The following UGT1A7 variants were observed in gnomAD, a reference collection of about 807,000 sequenced individuals.
UGT1A7 encodes the protein UDP glucuronosyltransferase family 1 member A7.
Under a neutral mutation model 45.6 loss-of-function variants are expected in UGT1A7, and 33 were observed. That is an observed-to-expected ratio of 0.72 (90% CI 0.55 to 0.97). UGT1A7 has a LOEUF of 0.97. Ranked by LOEUF, UGT1A7 falls within the 50% of genes least tolerant of loss-of-function variation. The probability of loss-of-function intolerance (pLI) is 0.00; values close to 1 mark genes in which losing one functional copy is unlikely to be tolerated. For synonymous variants in UGT1A7, 274 were observed against 250.6 expected (o/e 1.09, Z -0.88); for missense variants, 684 against 666.2 (o/e 1.03, Z -0.29).
chr2:233,718,828 G>C lies in UGT1A7; in HGVS notation c.855+36036G>C, dbSNP rs137930413. 3.0e-4 allele frequency: 479 copies of C among 1,613,554 alleles called. 1 individual carries two copies. Among genetic ancestry groups the C allele is most frequent in the Admixed American group, 4.7e-4 (28 of 60,022 alleles). ...TCGGTGGCTTCTGCTGAGATGGCCA[G>C]AGGACTCCAGGTTCCCCTGCCGCGG... On this transcript the variant is annotated intron_variant, in intron 1 of 4. Transcript: ENST00000373426.
At chr2:233,748,132 A>G (rs1234093790) in intron 1 of UGT1A7, 8 of 1,610,034 alleles carry the variant, frequency 5.0e-6, no homozygotes, top group Non-Finnish European at 6.8e-6. Context: ...CAGTTTTTAA[A>G]AATTGTATTT....
chr2:233,682,322 A>C lies in UGT1A7; in HGVS notation c.385A>C (p.Asn129His). 4 of 1,614,160 alleles carry C rather than the reference A, an allele frequency of 2.5e-6. No individual in the cohort carries two copies. The highest frequency in any genetic ancestry group is 3.4e-6 in the Non-Finnish European group (4 of 1,180,012). Residue 129 changes from asparagine (N) to histidine (H), a missense_variant, in exon 1 of 5, where the codon AAT becomes CAT. Coordinates refer to ENST00000373426, the MANE Select transcript of UGT1A7 (RefSeq NM_019077.3). The stretch of plus-strand genomic sequence containing the variant: ...TTTTTCAAATTGCAGGAGTTTGTTT[A>C]ATGACCGAAAATTAGTAGAATACTT... The part of the protein sequence containing the change: ...LFFSNCRSLF[N>H]DRKLVEYLKE...
At chr2:233,747,772 G>T in intron 1 of UGT1A7, 1 of 1,613,482 alleles carries the variant, frequency 6.2e-7, no homozygotes, top group Non-Finnish European at 8.5e-7. Flanking sequence ...GGCACACAGT[G>T]TCCAAATCCT....
At chr2:233,761,494 C>T (rs1189997049) in intron 1 of UGT1A7, among the ~76,000 whole-genome samples, 1 of 152,234 alleles carries the variant, frequency 6.6e-6, no homozygotes, top group Non-Finnish European at 1.5e-5. Context: ...GCACCTTGCC[C>T]TGGATTCAGT....
At chr2:233,714,373 T>G (rs899133661) in intron 1 of UGT1A7, among the ~76,000 whole-genome samples, 1 of 152,172 alleles carries the variant, frequency 6.6e-6, no homozygotes, top group Admixed American at 6.5e-5. Flanking sequence ...TTGACTCAGT[T>G]CAGTGGAATT....
chr2:233,755,783 C>G (rs142854795), intron 1 of UGT1A7: 1,687 of 152,656 alleles, frequency 0.011, 25 homozygotes, highest in Non-Finnish European at 0.017. Flanking sequence ...TTATGCCTAT[C>G]ATATGTACTG....
intron 1 of UGT1A7, chr2:233,747,953 T>A (rs1693820704): frequency 6.2e-7 from 1 of 1,613,400 alleles, no homozygotes; most frequent in Admixed American, 1.7e-5. Flanking sequence ...CAGTGGTGGA[T>A]CTTCTCAGCC....
chr2:233,744,894 A>G (rs1692956902), intron 1 of UGT1A7, among the ~76,000 whole-genome samples: 1 of 151,908 alleles, frequency 6.6e-6, no homozygotes, highest in Non-Finnish European at 1.5e-5. Flanking sequence ...CCTCCTCTCC[A>G]TACCAAAATC....
rs985684086 is a variant in UGT1A7 at position 233,766,924 on chromosome 2, A to C, written c.856-110A>C. 8.4e-5 allele frequency: 132 copies of C among 1,565,450 alleles called. 1 individual carries two copies. In the Middle Eastern group the frequency reaches 1.0e-3, roughly 12 times the overall value. ...ATTTTTTACTCTATCTCAAACACGCATGCCTTTAATCATAGTCTTAAGAGG... is the reference window on the plus strand; with the variant it reads ...ATTTTTTACTCTATCTCAAACACGCCTGCCTTTAATCATAGTCTTAAGAGG... On this transcript the variant is annotated intron_variant, in intron 1 of 4. Coordinates refer to ENST00000373426, the MANE Select transcript of UGT1A7 (RefSeq NM_019077.3).
At chr2:233,700,149 G>A (rs142795640) in intron 1 of UGT1A7, among the ~76,000 whole-genome samples, 1 of 152,174 alleles carries the variant, frequency 6.6e-6, no homozygotes, top group Non-Finnish European at 1.5e-5. Context: ...TCTCCCTATA[G>A]GGGTCTTTAC....
At chr2:233,755,921 AT>A (rs1696067229) in intron 1 of UGT1A7, 1 of 146,266 alleles carries the variant, frequency 6.8e-6, no homozygotes, top group Non-Finnish European at 1.5e-5. Context: ...GAAGAGTGGC[AT>A]CGTTTTACAG....
intron 1 of UGT1A7, among the ~76,000 whole-genome samples, chr2:233,749,879 T>C (rs965424457): frequency 2.6e-5 from 4 of 151,958 alleles, no homozygotes; most frequent in African/African-American, 9.7e-5. Flanking sequence ...ATTATAAGTT[T>C]CCTGAGGCTC....
chr2:233,743,842 C>T (rs1312488571), intron 1 of UGT1A7: 2 of 1,367,178 alleles, frequency 1.5e-6, no homozygotes, highest in Admixed American at 3.8e-5. Flanking sequence ...TGAGCGCCAG[C>T]TTGCGGTACG....
chr2:233,689,749 A>G (rs891969745), intron 1 of UGT1A7: 5 of 278,212 alleles, frequency 1.8e-5, no homozygotes, highest in Non-Finnish European at 3.6e-5. Flanking sequence ...GTGGGAGTCC[A>G]GGTTTCTGAA....
At chr2:233,745,561 A>G (rs1490728592) in intron 1 of UGT1A7, among the ~76,000 whole-genome samples, 1 of 151,724 alleles carries the variant, frequency 6.6e-6, no homozygotes, top group Admixed American at 6.6e-5. Context: ...CTAAGTTTAT[A>G]TAGCCTCTAG....
chr2:233,743,665 C>T lies in UGT1A7; in HGVS notation c.856-23369C>T, dbSNP rs1373066127. Reference sequence around the variant, plus strand: ...AGCTGAAGACGTACTCGAAGGGGTCCTCGAAGGGCCTGCCGCCTGTGCAGC... The same window carrying T: ...AGCTGAAGACGTACTCGAAGGGGTCTTCGAAGGGCCTGCCGCCTGTGCAGC... On this transcript the variant is annotated intron_variant, in intron 1 of 4. Coordinates refer to ENST00000373426, the MANE Select transcript of UGT1A7 (RefSeq NM_019077.3). 9 of 1,367,242 alleles carry T rather than the reference C, an allele frequency of 6.6e-6. 2 individuals are homozygous for T. The African/African-American group carries it at 1.3e-4, about 20-fold the overall frequency. The allele number at this position is 1,367,242 out of a possible 1,614,324, so 84.7% of individuals were successfully genotyped here. A position where few individuals can be genotyped will look rare whatever the true frequency, so the allele number is the denominator to read the frequency against.
chr2:233,721,851 C>A, intron 1 of UGT1A7: 1 of 513,702 alleles, frequency 1.9e-6, no homozygotes, highest in South Asian at 1.4e-5. Context: ...TCCAGCCCCA[C>A]TGCTCGGCCC....
intron 1 of UGT1A7, chr2:233,717,949 A>C: frequency 2.2e-6 from 1 of 452,294 alleles, no homozygotes; most frequent in South Asian, 1.6e-5. Context: ...GCAGACTTGC[A>C]GAAGACTGGA....
intron 1 of UGT1A7, among the ~76,000 whole-genome samples, chr2:233,710,740 G>T (rs1041817695): frequency 2.0e-5 from 3 of 152,172 alleles, no homozygotes; most frequent in African/African-American, 7.2e-5. Context: ...GTCTTTCAAG[G>T]AGCAAAAGTT....
Sources: gnomAD v4.1 joint callset for allele counts (sites outside exome capture counted in the v4.1 genomes callset) on GRCh38, gnomAD v4.1.1 for gene constraint, MANE v1.5 for transcripts, NCBI Gene and HGNC (gene_info 2026-07-23, HGNC 2026-07-21) for gene names.